The following ZNF536 variants were observed in gnomAD, a reference collection of about 807,000 sequenced individuals.
ZNF536 encodes zinc finger protein 536.
A neutral mutation model predicts 84.5 loss-of-function variants in ZNF536; 13 were observed. The observed-to-expected ratio is 0.15, with a 90% CI of 0.10 to 0.24. The LOEUF is 0.24. ZNF536 is among the 10% of genes least tolerant of loss of function. The probability of loss-of-function intolerance (pLI) is 1.00; values close to 1 mark genes in which losing one functional copy is unlikely to be tolerated. For missense variants in ZNF536, 1,536 were observed against 1,747.5 expected (o/e 0.88, Z 2.16); for synonymous variants, 811 against 742.5 (o/e 1.09, Z -1.50).
intron 1 of ZNF536, among the ~76,000 whole-genome samples, chr19:30,677,721 C>T (rs986470638): frequency 2.6e-5 from 4 of 152,292 alleles, no homozygotes; most frequent in Middle Eastern, 3.4e-3. Flanking sequence ...TGATCTTTTG[C>T]GATTTTTGTC....
chr19:30,397,621 A>G (rs913343607), intron 1 of ZNF536, among the ~76,000 whole-genome samples: 3 of 152,236 alleles, frequency 2.0e-5, no homozygotes, highest in African/African-American at 4.8e-5. Context: ...CATTTCCACC[A>G]TACTCCTTAC....
intron 2 of ZNF536, among the ~76,000 whole-genome samples, chr19:30,526,081 G>A (rs1336314468): frequency 2.0e-5 from 3 of 152,186 alleles, no homozygotes; most frequent in Non-Finnish European, 4.4e-5. Flanking sequence ...CCTGCTCAGC[G>A]ACACGAATGG....
chr19:30,400,306 A>G (rs1316056466), intron 1 of ZNF536, among the ~76,000 whole-genome samples: 1 of 152,164 alleles, frequency 6.6e-6, no homozygotes, highest in Non-Finnish European at 1.5e-5. Flanking sequence ...AGAAAATGTC[A>G]AAGTTTTCCA....
intron 2 of ZNF536, among the ~76,000 whole-genome samples, chr19:30,331,980 G>A (rs979339126): frequency 1.1e-4 from 16 of 152,088 alleles, no homozygotes; most frequent in Non-Finnish European, 1.9e-4. Context: ...TGAATCTTCA[G>A]TCCCGGGTGA....
At chr19:30,532,582 C>A (rs776606029) in intron 2 of ZNF536, among the ~76,000 whole-genome samples, 1 of 149,954 alleles carries the variant, frequency 6.7e-6, no homozygotes, top group Admixed American at 6.7e-5. Context: ...AGCACTTGGG[C>A]AGAATTTTAA....
Position 30,264,966 on chromosome 19 carries a change from T to TGTGTGTGTGTGAGAGAGAGA in ZNF536, c.-189-19105_-189-19104insTGTGTGTGTGAGAGAGAGAG, listed in dbSNP as rs59889852. 2.7e-4 allele frequency among the ~76,000 whole-genome samples: 36 copies of TGTGTGTGTGTGAGAGAGAGA among 133,854 alleles called. 1 individual carries two copies. The Middle Eastern group carries it at 0.012, about 44-fold the overall frequency. 87.8% of individuals were successfully genotyped at this position (133,854 alleles called of 152,430 possible). On this transcript the variant is annotated intron_variant, in intron 1 of 5. Transcript: ENST00000585628. The stretch of plus-strand genomic sequence containing the variant: ...GTGTGTGTGTGTGTGTGTGTGTGTG[T>TGTGTGTGTGTGAGAGAGAGA]GAGAGAGAGAGAGAGAAAGAGAGAT...
At position 30,626,856 on chromosome 19, in the gene ZNF536, C is replaced by T. The variant is rs571403605; in HGVS notation, c.169+77342C>T. Among the ~76,000 whole-genome samples the T allele has an allele frequency of 5.3e-5, 8 of 152,360 alleles. No individual in the cohort carries two copies. The East Asian group carries it at 1.4e-3, about 26-fold the overall frequency. On this transcript the variant is annotated intron_variant, in intron 1 of 1. Transcript: ENST00000592773. The stretch of plus-strand genomic sequence containing the variant: ...CCCCGCACGGCCCCCACCCCGGCCA[C>T]CTCGGTGTTGCATTTGGGAAGCCCT...
intron 2 of ZNF536, among the ~76,000 whole-genome samples, chr19:30,484,256 C>T (rs1437774127): frequency 7.4e-6 from 1 of 134,612 alleles, no homozygotes; most frequent in Non-Finnish European, 1.5e-5. Context: ...GAGATGGAGT[C>T]TAGCTCTGTC....
chr19:30,548,755 C>T lies in ZNF536; in HGVS notation c.3136C>T (p.Arg1046Trp), dbSNP rs144763919. The T allele has an allele frequency of 1.3e-5, 21 of 1,613,752 alleles. No individual in the cohort carries two copies. The highest frequency in any genetic ancestry group is 2.7e-5 in the African/African-American group (2 of 74,918). Reference sequence around the variant, plus strand: ...CACAGTCAACTGCAAAGACCAAGCCCGGGAGGCGAGTAAGATGGCCCTGCT... The same window carrying T: ...CACAGTCAACTGCAAAGACCAAGCCTGGGAGGCGAGTAAGATGGCCCTGCT... ...GVTVNCKDQA[R>W]EASKMALLPS... Residue 1046 changes from arginine to tryptophan, a missense_variant, in exon 4 of 5, where the codon CGG becomes TGG. This residue lies in a region of ZNF536 where 624 missense variants were observed against 603.1 expected (regional missense o/e 1.03). Transcript: ENST00000355537.
chr19:30,432,942 T>G (rs1040955475), intron 1 of ZNF536, among the ~76,000 whole-genome samples: 1 of 152,164 alleles, frequency 6.6e-6, no homozygotes, highest in Non-Finnish European at 1.5e-5. Flanking sequence ...GAAGGATGGA[T>G]GAGGCTCTCC....
intron 1 of ZNF536, among the ~76,000 whole-genome samples, chr19:30,571,957 A>G (rs1023436589): frequency 6.6e-6 from 1 of 152,106 alleles, no homozygotes; most frequent in Non-Finnish European, 1.5e-5. Flanking sequence ...CACGCATCCA[A>G]ATTGATCCCT....
intron 2 of ZNF536, among the ~76,000 whole-genome samples, chr19:30,324,204 A>T (rs1205144327): frequency 6.6e-6 from 1 of 151,762 alleles, no homozygotes; most frequent in Non-Finnish European, 1.5e-5. Context: ...CCAATCTATC[A>T]TATATCCATC....
chr19:30,628,192 A>C (rs1568616827), intron 1 of ZNF536, among the ~76,000 whole-genome samples: 1 of 152,220 alleles, frequency 6.6e-6, no homozygotes, highest in Non-Finnish European at 1.5e-5. Context: ...GCTGTGGGCC[A>C]GGGCAACAGG....
rs772483121 is a variant in ZNF536 at position 30,425,213 on chromosome 19, C to T, written c.-2-18348C>T. The stretch of plus-strand genomic sequence containing the variant: ...TAAATAACTTATTTATGTTACCAAA[C>T]GCCACGTGTTCCCCAAAAACATGTT... On this transcript the variant is annotated intron_variant, in intron 1 of 4. Coordinates refer to ENST00000355537, the MANE Select transcript of ZNF536 (RefSeq NM_014717.3). 4.0e-5 allele frequency among the ~76,000 whole-genome samples: 6 copies of T among 151,422 alleles called. No homozygotes were observed. The East Asian group carries it at 5.8e-4, about 15-fold the overall frequency.
At chr19:30,570,497 C>G (rs1328589629) in intron 1 of ZNF536, among the ~76,000 whole-genome samples, 1 of 152,214 alleles carries the variant, frequency 6.6e-6, no homozygotes, top group Non-Finnish European at 1.5e-5. Flanking sequence ...TTAACTTTTA[C>G]GGAGGTAAAA....
At chr19:30,244,983 T>A (rs547573450) in intron 1 of ZNF536, among the ~76,000 whole-genome samples, 1 of 152,130 alleles carries the variant, frequency 6.6e-6, no homozygotes, top group East Asian at 1.9e-4. Context: ...CAGGCTTAAG[T>A]CAATGGATGG....
chr19:30,376,779 T>A (rs1405780029), intron 1 of ZNF536, among the ~76,000 whole-genome samples: 2 of 152,212 alleles, frequency 1.3e-5, no homozygotes, highest in African/African-American at 4.8e-5. Flanking sequence ...TCACTCACAT[T>A]GTCCAGTTGA....
At chr19:30,704,647 C>CAAAAA (rs970475752) in intron 1 of ZNF536, among the ~76,000 whole-genome samples, 5 of 53,444 alleles carry the variant, frequency 9.4e-5, no homozygotes, top group East Asian at 1.3e-3. Flanking sequence ...GAGTCCATCT[C>CAAAAA]AAAAAAAAAA....
intron 1 of ZNF536, among the ~76,000 whole-genome samples, chr19:30,661,901 G>A (rs1052872349): frequency 2.7e-5 from 4 of 149,890 alleles, no homozygotes; most frequent in Admixed American, 2.0e-4. Flanking sequence ...CATTCAGAAT[G>A]GCCAGTGGTT....
Sources: gnomAD v4.1 joint callset for allele counts (sites outside exome capture counted in the v4.1 genomes callset) on GRCh38, gnomAD v4.1.1 for gene constraint, gnomAD v4.1.1 regional missense constraint, MANE v1.5 for transcripts, NCBI Gene and HGNC (gene_info 2026-07-23, HGNC 2026-07-21) for gene names.